The following STK32C variants were observed in gnomAD, a reference collection of about 807,000 sequenced individuals.
STK32C encodes serine/threonine kinase 32C, also known as serine/threonine-protein kinase 32C.
STK32C carries 31 observed loss-of-function variants against 56.5 expected under a neutral mutation model. The ratio of observed to expected loss-of-function variants is 0.55; its 90% CI spans 0.41 to 0.74. The LOEUF (loss-of-function observed/expected upper bound fraction) is 0.74. STK32C is among the 30% of genes least tolerant of loss of function. STK32C has a pLI of 0.00. For synonymous variants in STK32C, 309 were observed against 289.4 expected (o/e 1.07, Z -0.69); for missense variants, 544 against 676.9 (o/e 0.80, Z 2.18).
rs1233952935 is a variant in STK32C at position 132,221,737 on chromosome 10, T to G, written c.1251+904A>C. On this transcript the variant is annotated intron_variant, in intron 10 of 11. Transcript: ENST00000298630. ...CCTGGGCGAGTGTGAGGGCTTCACA[T>G]GGCCGTCCCTGCACACACAACCAAA... 2.9e-5 allele frequency among the ~76,000 whole-genome samples: 4 copies of G among 139,566 alleles called. No individual in the cohort carries two copies. In the Admixed American group the frequency reaches 2.9e-4, roughly 10 times the overall value. The allele number at this position is 139,566 out of a possible 152,430, so 91.6% of individuals were successfully genotyped here.
At chr10:132,240,752 G>T (rs1159113698) in intron 2 of STK32C, among the ~76,000 whole-genome samples, 1 of 152,038 alleles carries the variant, frequency 6.6e-6, no homozygotes, top group Non-Finnish European at 1.5e-5. Flanking sequence ...GCAGGGCAGG[G>T]CGAGGAGCCC....
At chr10:132,279,931 C>T (rs2065109325) in intron 1 of STK32C, among the ~76,000 whole-genome samples, 3 of 145,236 alleles carry the variant, frequency 2.1e-5, no homozygotes, top group African/African-American at 7.7e-5. Flanking sequence ...ACGCTGAGGC[C>T]TCCACACCGT....
intron 10 of STK32C, among the ~76,000 whole-genome samples, chr10:132,217,814 A>T (rs117058258): frequency 0.012 from 1,798 of 152,230 alleles, 16 homozygotes; most frequent in Non-Finnish European, 0.019. Context: ...GCCTTCCACG[A>T]CTGTGAGGCC....
At chr10:132,256,212 C>T (rs1033165899) in intron 1 of STK32C, among the ~76,000 whole-genome samples, 1 of 152,192 alleles carries the variant, frequency 6.6e-6, no homozygotes, top group African/African-American at 2.4e-5. Flanking sequence ...CCCTGGGCTC[C>T]GAAACAATTG....
chr10:132,245,057 G>C (rs1326627854), intron 2 of STK32C, among the ~76,000 whole-genome samples: 1 of 152,212 alleles, frequency 6.6e-6, no homozygotes, highest in African/African-American at 2.4e-5. Flanking sequence ...ACCCAGTGGA[G>C]CCATCGTTTG....
chr10:132,254,932 C>G (rs1256472704), intron 1 of STK32C, among the ~76,000 whole-genome samples: 1 of 152,118 alleles, frequency 6.6e-6, no homozygotes, highest in Non-Finnish European at 1.5e-5. Flanking sequence ...GAGCTGCCCA[C>G]AGCTGCAGGC....
chr10:132,308,247 C>G (rs2066146998), upstream of STK32C, among the ~76,000 whole-genome samples: 2 of 152,228 alleles, frequency 1.3e-5, no homozygotes, highest in South Asian at 4.1e-4. Context: ...ACGGCGGGTA[C>G]GAGAGCGAGG....
chr10:132,311,897 T>G (rs1590485836), upstream of STK32C, among the ~76,000 whole-genome samples: 2 of 152,184 alleles, frequency 1.3e-5, no homozygotes, highest in East Asian at 1.9e-4. The surrounding 1 kb of genome is among the most constrained non-coding windows in gnomAD (Gnocchi z 4.4). Context: ...TGTCCTTTGG[T>G]GGCAAAAGGC....
chr10:132,266,079 C>T (rs371243364), intron 1 of STK32C, among the ~76,000 whole-genome samples: 1 of 152,220 alleles, frequency 6.6e-6, no homozygotes, highest in Admixed American at 6.5e-5. Flanking sequence ...ATAACCCAAA[C>T]GTCCATCAAG....
chr10:132,233,641 C>T (rs887853255), intron 2 of STK32C, among the ~76,000 whole-genome samples: 1 of 152,182 alleles, frequency 6.6e-6, no homozygotes, highest in African/African-American at 2.4e-5. Context: ...GGCTCTTGTT[C>T]CATCCACTGC....
At chr10:132,328,811 T>C (rs912319456) in intron 1 of STK32C, among the ~76,000 whole-genome samples, 7 of 152,226 alleles carry the variant, frequency 4.6e-5, no homozygotes, top group African/African-American at 1.7e-4. Flanking sequence ...TATCTGGAGA[T>C]GGAGACGAGG....
chr10:132,240,962 C>A (rs2063480356), intron 2 of STK32C, among the ~76,000 whole-genome samples: 1 of 152,236 alleles, frequency 6.6e-6, no homozygotes, highest in Non-Finnish European at 1.5e-5. Flanking sequence ...GCCCATCAGA[C>A]ACCGTCAAGC....
chr10:132,309,638 G>A (rs1026398660), upstream of STK32C, among the ~76,000 whole-genome samples: 3 of 152,166 alleles, frequency 2.0e-5, no homozygotes, highest in Admixed American at 6.5e-5. Context: ...AGAAGGCAGT[G>A]GGTTCAGCAC....
chr10:132,328,687 G>A (rs962628960), intron 1 of STK32C, among the ~76,000 whole-genome samples: 1 of 152,214 alleles, frequency 6.6e-6, no homozygotes, highest in Non-Finnish European at 1.5e-5. Context: ...GAAGCAAGAT[G>A]GAATCGGTTA....
intron 2 of STK32C, among the ~76,000 whole-genome samples, chr10:132,231,438 A>G (rs2137771675): frequency 6.6e-6 from 1 of 152,280 alleles, no homozygotes; most frequent in South Asian, 2.1e-4. Flanking sequence ...TCTCAGCTCA[A>G]CTGCAGTTCA....
At position 132,211,007 on chromosome 10, in the gene STK32C, G is replaced by A. The variant is rs143039391; in HGVS notation, c.1252-1906C>T. On this transcript the variant is annotated intron_variant, in intron 10 of 11. Transcript: ENST00000298630. The stretch of plus-strand genomic sequence containing the variant: ...CTTGCCAAGGACTCGAGAAGAAGCC[G>A]GCAGACTCCCACGCTCTCTGCGGGC... Among the ~76,000 whole-genome samples the A allele has an allele frequency of 2.0e-3, 308 of 152,292 alleles. 1 individual carries two copies. The highest frequency in any genetic ancestry group is 6.6e-3 in the African/African-American group (273 of 41,568).
chr10:132,278,742 A>T (rs944492960), intron 1 of STK32C, among the ~76,000 whole-genome samples: 1 of 148,874 alleles, frequency 6.7e-6, no homozygotes, highest in Non-Finnish European at 1.5e-5. Context: ...CCTGGGCGAC[A>T]GAGCGAGACT....
chr10:132,216,854 C>T (rs55915658), intron 10 of STK32C, among the ~76,000 whole-genome samples: 17,345 of 152,286 alleles, frequency 0.11, 1,336 homozygotes, highest in Non-Finnish European at 0.16. Flanking sequence ...GTTTGGGAGC[C>T]TCTGCCTGCA....
At chr10:132,225,195 C>A (rs1204906298) in intron 7 of STK32C, 38 bp downstream of exon 7, 3 of 1,532,182 alleles carry the variant, frequency 2.0e-6, no homozygotes, top group Non-Finnish European at 2.7e-6. Context: ...AGAGCAGGGG[C>A]CTGGCAGCCA....
Sources: allele counts gnomAD v4.1 joint callset (sites outside exome capture counted in the v4.1 genomes callset), GRCh38; gene constraint gnomAD v4.1.1; non-coding constraint Gnocchi (gnomAD v3.1); transcripts MANE v1.5; gene names NCBI Gene and HGNC (gene_info 2026-07-23, HGNC 2026-07-21).